CHID1: variants seen among roughly 807,000 people sequenced by gnomAD.
CHID1 encodes chitinase domain-containing protein 1.
CHID1 carries 44 observed loss-of-function variants against 55.4 expected under a neutral mutation model. That is an observed-to-expected ratio of 0.79 (90% CI 0.62 to 1.02). The LOEUF is 1.02. Among genes scored for constraint, CHID1 ranks in the 50% least tolerant of loss-of-function variants. The pLI is 0.00. For missense variants in CHID1, 491 were observed against 515.3 expected (o/e 0.95, Z 0.46); for synonymous variants, 216 against 212.9 (o/e 1.01, Z -0.13).
intron 10 of CHID1, among the ~76,000 whole-genome samples, chr11:876,275 C>G (rs1198143630): frequency 6.6e-6 from 1 of 152,190 alleles, no homozygotes; most frequent in East Asian, 1.9e-4. Flanking sequence ...GTGCACGTTG[C>G]AGGCAGTGAG....
intron 2 of CHID1, chr11:903,596 C>A: frequency 4.6e-6 from 1 of 216,892 alleles, no homozygotes; most frequent in South Asian, 5.7e-5. Flanking sequence ...GCCTGGTCAA[C>A]ATGGTGAAAC....
rs565727197 is a variant in CHID1 at position 885,761 on chromosome 11, A to C, written c.702-1592T>G. On this transcript the variant is annotated intron_variant, in intron 8 of 12. Coordinates refer to ENST00000323578, the MANE Select transcript of CHID1 (RefSeq NM_023947.4). ...TTTTTATTTCTGAGATGGGGTCTCT[A>C]TGTCACCCAGGCTGGAGTGCAGCGG... is the stretch of plus-strand genomic sequence containing the variant. Among the ~76,000 whole-genome samples the C allele has an allele frequency of 1.9e-3, 289 of 152,216 alleles. 5 individuals are homozygous for C. The highest frequency in any genetic ancestry group is 1.9e-3 in the Non-Finnish European group (129 of 68,012).
intron 10 of CHID1, among the ~76,000 whole-genome samples, chr11:880,164 G>A (rs1240320865): frequency 6.6e-6 from 1 of 152,250 alleles, no homozygotes; most frequent in African/African-American, 2.4e-5. Context: ...CAGGGGCCCT[G>A]GGGCATCGCC....
intron 10 of CHID1, among the ~76,000 whole-genome samples, chr11:878,577 T>A (rs1046824402): frequency 3.3e-5 from 5 of 151,838 alleles, no homozygotes; most frequent in Admixed American, 3.3e-4. Context: ...AAAAAAAAAA[T>A]TCCTTTTCTT....
rs780527951 is a variant in CHID1, at chr11:903,016, C to T, written c.207G>A (p.Ser69=). Residue 69 remains serine, a synonymous_variant, in exon 3 of 13, where the codon TCG becomes TCA. Transcript: ENST00000323578. ...CAAAGTGTCTGTCCCGGGCCTTTGCCGAGCAGTAGCTGCGATGCTCAAGAA... is the reference window on the plus strand; with the variant it reads ...CAAAGTGTCTGTCCCGGGCCTTTGCTGAGCAGTAGCTGCGATGCTCAAGAA... The part of the protein sequence containing the change: ...SVVLEHRSYC[S]AKARDRHFAG... 3.7e-5 allele frequency: 60 copies of T among 1,613,900 alleles called. 1 individual carries two copies. The highest frequency in any genetic ancestry group is 3.3e-4 in the Middle Eastern group (2 of 6,084).
At chr11:891,883 C>A (rs539531789) in intron 8 of CHID1, among the ~76,000 whole-genome samples, 30 of 146,442 alleles carry the variant, frequency 2.0e-4, no homozygotes, top group African/African-American at 7.7e-4. Context: ...GTGGGATGAT[C>A]GCTTGAGCCC....
At chr11:897,911 G>T (rs1851498203) in intron 7 of CHID1, among the ~76,000 whole-genome samples, 1 of 152,188 alleles carries the variant, frequency 6.6e-6, no homozygotes, top group African/African-American at 2.4e-5. Flanking sequence ...GCTGGCGGAG[G>T]GTGTGGGGGT....
upstream of CHID1, chr11:914,845 T>C (rs900170306): frequency 2.4e-5 from 8 of 331,486 alleles, no homozygotes; most frequent in Non-Finnish European, 4.1e-5. Flanking sequence ...GCGGCGGCTC[T>C]GGGCGACTCC....
rs1851108468 is a variant in CHID1 at position 894,451 on chromosome 11, C to T, written c.609-932G>A. 1.3e-5 allele frequency among the ~76,000 whole-genome samples: 2 copies of T among 152,164 alleles called. 1 individual carries two copies. Among genetic ancestry groups the T allele is most frequent in the South Asian group, 4.1e-4 (2 of 4,836 alleles). ...GGCCGGCCGTGTGCACACGCTGGTG[C>T]CCATGAGTCTACCCTGCAGGTGGCC... On this transcript the variant is annotated intron_variant, in intron 7 of 12. Coordinates refer to ENST00000323578, the MANE Select transcript of CHID1 (RefSeq NM_023947.4).
chr11:911,330 T>C (rs1469807563), upstream of CHID1: 1 of 151,908 alleles, frequency 6.6e-6, no homozygotes, highest in African/African-American at 2.4e-5. Context: ...AAACGCGCGC[T>C]CTCTCGGTCC....
rs1019062239 is a variant in CHID1, at chr11:875,096, T to C, written c.960-4597A>G. Among the ~76,000 whole-genome samples the C allele has an allele frequency of 6.6e-6, 1 of 152,194 alleles. No individual in the cohort carries two copies. Among genetic ancestry groups the C allele is most frequent in the African/African-American group, 2.4e-5 (1 of 41,450 alleles). On this transcript the variant is annotated intron_variant, in intron 10 of 12. Coordinates refer to ENST00000323578, the MANE Select transcript of CHID1 (RefSeq NM_023947.4). The surrounding 1 kb of genome is among the most constrained non-coding windows in gnomAD (Gnocchi z 4.7). ...TTGCAGGCTCGGGCCAGGGCTGCTG[T>C]GAGCAATGGTGAGGCCCCCAGTGCC...
intron 10 of CHID1, among the ~76,000 whole-genome samples, chr11:880,266 T>C (rs1849812530): frequency 6.6e-6 from 1 of 152,198 alleles, no homozygotes; most frequent in Admixed American, 6.5e-5. Context: ...GCCAGGCTCT[T>C]CGCCCCGCCT....
chr11:903,057 T>C lies in CHID1; in HGVS notation c.166A>G (p.Lys56Glu). ...QDRGLVVTDLKAESVVLEHRS... is the reference protein window; with the variant it reads ...QDRGLVVTDLEAESVVLEHRS... ...TGCTCAAGAACCACACTCTCAGCTT[T>C]GAGGTCCGTCACCACCAAACCCCGG... Residue 56 changes from lysine to glutamate, a missense_variant, in exon 3 of 13, where the codon AAA (lysine) becomes GAA (glutamate). By Grantham distance (56) the Lys-to-Glu change is moderately conservative. Transcript: ENST00000323578. 4 of 1,613,734 alleles carry C rather than the reference T, an allele frequency of 2.5e-6. No individual in the cohort carries two copies. Among genetic ancestry groups the C allele is most frequent in the Non-Finnish European group, 3.4e-6 (4 of 1,180,012 alleles).
At chr11:877,438 G>C (rs1565165273) in intron 10 of CHID1, among the ~76,000 whole-genome samples, 1 of 152,134 alleles carries the variant, frequency 6.6e-6, no homozygotes, top group Non-Finnish European at 1.5e-5. Context: ...GTAATGATGG[G>C]GTCTCTCTAT....
chr11:897,963 G>C (rs138707587), intron 7 of CHID1, among the ~76,000 whole-genome samples: 5 of 152,126 alleles, frequency 3.3e-5, no homozygotes, highest in Admixed American at 2.0e-4. Context: ...TTCTGGAGCC[G>C]GGGCCTGGGA....
intron 4 of CHID1, 24 bp from the exon 5 acceptor site, chr11:901,004 C>T: frequency 6.3e-7 from 1 of 1,587,290 alleles, no homozygotes; most frequent in South Asian, 1.1e-5. Flanking sequence ...AGGGGACAGT[C>T]AACACAGGCA....
rs1326281140 is a variant in CHID1, at chr11:868,418, G to A, written c.*1440C>T. On this transcript the variant is annotated 3_prime_UTR_variant, in exon 13 of 13. Coordinates refer to ENST00000323578, the MANE Select transcript of CHID1 (RefSeq NM_023947.4). ...TGTCTTGCTAATTTTTCTATTTTTA[G>A]GGGGTAGAGACGGGGTTTCACCATG... is the stretch of plus-strand genomic sequence containing the variant. The A allele has an allele frequency of 6.6e-6, 1 of 152,070 alleles. No individual in the cohort carries two copies. The allele number at this position is 152,070 out of a possible 1,614,324, so 9.4% of individuals were successfully genotyped here.
At chr11:873,481 C>T (rs1037933583) in intron 10 of CHID1, among the ~76,000 whole-genome samples, 3 of 151,810 alleles carry the variant, frequency 2.0e-5, no homozygotes, top group East Asian at 1.9e-4. Flanking sequence ...GGGGAGCGAG[C>T]GAGGGGCCTG....
At position 887,431 on chromosome 11, in the gene CHID1, G is replaced by A. The variant is rs116720352; in HGVS notation, c.702-3262C>T. ...GTGTGGGCAGCATCGTCCACCTGGC[G>A]AGAGGCTGGTCTTCTCGCTCCTTTG... On this transcript the variant is annotated intron_variant, in intron 8 of 12. Transcript: ENST00000323578. Among the ~76,000 whole-genome samples, 6 of 152,170 alleles carry A rather than the reference G, an allele frequency of 3.9e-5. No individual in the cohort carries two copies. The East Asian group carries it at 1.2e-3, about 29-fold the overall frequency.
Sources: allele counts gnomAD v4.1 joint callset (sites outside exome capture counted in the v4.1 genomes callset), GRCh38; gene constraint gnomAD v4.1.1; non-coding constraint Gnocchi (gnomAD v3.1); transcripts MANE v1.5; gene names NCBI Gene and HGNC (gene_info 2026-07-23, HGNC 2026-07-21).